Variants in EYS observed in about 807,000 individuals in gnomAD.
The protein encoded by EYS is EGF-like photoreceptor maintenance factor.
In EYS, 250 loss-of-function variants were observed where a neutral mutation model predicts 282.1. The ratio of observed to expected loss-of-function variants is 0.89; its 90% CI spans 0.80 to 0.98. EYS has a LOEUF of 0.98. Ranked by LOEUF, EYS falls within the 50% of genes least tolerant of loss-of-function variation. The pLI, the probability that EYS is intolerant of heterozygous loss-of-function variation, is 0.00. For synonymous variants in EYS, 1,355 were observed against 1,282.9 expected (o/e 1.06, Z -1.20); for missense variants, 4,016 against 3,709.0 (o/e 1.08, Z -2.15).
intron 19 of EYS, among the ~76,000 whole-genome samples, chr6:64,884,573 A>G (rs1444113210): frequency 6.6e-6 from 1 of 151,590 alleles, no homozygotes; most frequent in Non-Finnish European, 1.5e-5. Context: ...GGAGCCTTGA[A>G]AAAAAGATTT....
At chr6:64,574,348 A>C (rs933182354) in intron 26 of EYS, among the ~76,000 whole-genome samples, 4 of 152,170 alleles carry the variant, frequency 2.6e-5, no homozygotes, top group African/African-American at 9.7e-5. Context: ...TGGTTGCAGC[A>C]AACCACCACA....
At chr6:64,213,209 C>T (rs555885773) in intron 31 of EYS, among the ~76,000 whole-genome samples, 15 of 152,108 alleles carry the variant, frequency 9.9e-5, no homozygotes, top group African/African-American at 3.6e-4. Context: ...GCACATGTAC[C>T]CCTGAACTTA....
At chr6:63,886,864 C>A (rs945810283) in intron 35 of EYS, among the ~76,000 whole-genome samples, 2 of 152,150 alleles carry the variant, frequency 1.3e-5, no homozygotes, top group African/African-American at 4.8e-5. Context: ...TCGAATATTA[C>A]CATGGAAGGA....
chr6:64,880,908 G>A (rs776148921), intron 19 of EYS, among the ~76,000 whole-genome samples: 42 of 150,812 alleles, frequency 2.8e-4, no homozygotes, highest in Non-Finnish European at 1.6e-4. Flanking sequence ...TATATATTAT[G>A]TGTGTGTATA....
chr6:65,529,614 T>A (rs1193583456), intron 2 of EYS, among the ~76,000 whole-genome samples: 1 of 152,208 alleles, frequency 6.6e-6, no homozygotes, highest in Non-Finnish European at 1.5e-5. Context: ...TCATGAAATA[T>A]CAACCAGCCT....
chr6:65,648,314 A>ATATATGTGTGTGTG (rs373479571), intron 1 of EYS, among the ~76,000 whole-genome samples: 1 of 147,792 alleles, frequency 6.8e-6, no homozygotes, highest in East Asian at 2.0e-4. Context: ...AAGAAAATAT[A>ATATATGTGTGTGTG]TGTGTGTGTG....
intron 16 of EYS, among the ~76,000 whole-genome samples, chr6:64,906,226 A>C (rs2150073563): frequency 6.6e-6 from 1 of 151,862 alleles, no homozygotes; most frequent in African/African-American, 2.4e-5. Flanking sequence ...CAGAATTAAT[A>C]TTTCCAATAG....
intron 35 of EYS, among the ~76,000 whole-genome samples, chr6:63,932,021 T>G (rs942931716): frequency 6.6e-6 from 1 of 152,086 alleles, no homozygotes; most frequent in African/African-American, 2.4e-5. Flanking sequence ...AATGAGAACA[T>G]GCGGTTTCTA....
At chr6:65,144,686 A>G (rs1184054091) in intron 12 of EYS, among the ~76,000 whole-genome samples, 2 of 152,108 alleles carry the variant, frequency 1.3e-5, no homozygotes, top group African/African-American at 2.4e-5. Context: ...ATATTAGAAT[A>G]AATTTTTTTA....
intron 35 of EYS, among the ~76,000 whole-genome samples, chr6:63,955,935 T>C (rs1220060258): frequency 2.0e-5 from 3 of 151,032 alleles, no homozygotes; most frequent in African/African-American, 4.9e-5. Flanking sequence ...AATCATTCTA[T>C]ATGACAAATG....
intron 12 of EYS, among the ~76,000 whole-genome samples, chr6:65,127,253 G>A (rs1775746554): frequency 6.6e-6 from 1 of 152,010 alleles, no homozygotes; most frequent in Non-Finnish European, 1.5e-5. Flanking sequence ...ATTTTATACT[G>A]TAATTTCCCT....
intron 21 of EYS, among the ~76,000 whole-genome samples, chr6:64,818,126 A>G (rs963527583): frequency 1.3e-5 from 2 of 152,200 alleles, no homozygotes; most frequent in African/African-American, 2.4e-5. Flanking sequence ...GTAAATATAC[A>G]TGGTGCATGA....
chr6:65,290,291 A>G (rs575708805), intron 12 of EYS, among the ~76,000 whole-genome samples: 1 of 151,246 alleles, frequency 6.6e-6, no homozygotes, highest in African/African-American at 2.4e-5. Flanking sequence ...AAACCTTGAG[A>G]ATAAATCTAT....
chr6:63,856,397 G>T (rs1326635521), intron 36 of EYS, among the ~76,000 whole-genome samples: 1 of 152,132 alleles, frequency 6.6e-6, no homozygotes, highest in Non-Finnish European at 1.5e-5. Context: ...ATTCTGTGAG[G>T]TTGCTAAATA....
At chr6:64,782,817 G>A (rs1562189196) in intron 22 of EYS, among the ~76,000 whole-genome samples, 1 of 152,160 alleles carries the variant, frequency 6.6e-6, no homozygotes, top group Non-Finnish European at 1.5e-5. Context: ...TCACCATTAA[G>A]TAATTTATCA....
At chr6:65,208,634 G>C (rs2150250534) in intron 12 of EYS, among the ~76,000 whole-genome samples, 1 of 151,948 alleles carries the variant, frequency 6.6e-6, no homozygotes, top group Middle Eastern at 3.4e-3. Context: ...AAGGAATGAA[G>C]TCATTTCCTT....
intron 22 of EYS, among the ~76,000 whole-genome samples, chr6:64,670,079 C>T (rs972910010): frequency 2.0e-5 from 3 of 152,144 alleles, no homozygotes; most frequent in Admixed American, 2.0e-4. Flanking sequence ...ATATAATCAC[C>T]ATAGAGATAA....
At chr6:63,788,641 A>G (rs1770428082) in intron 38 of EYS, among the ~76,000 whole-genome samples, 1 of 152,036 alleles carries the variant, frequency 6.6e-6, no homozygotes, top group Non-Finnish European at 1.5e-5. Flanking sequence ...AGATAAAAAT[A>G]TAAACTTCTT....
intron 15 of EYS, among the ~76,000 whole-genome samples, chr6:64,914,043 G>A (rs1011641051): frequency 1.3e-5 from 2 of 152,022 alleles, no homozygotes; most frequent in Non-Finnish European, 2.9e-5. Flanking sequence ...CTAGTCTGCC[G>A]TGAAGAGAAA....
Sources: allele counts gnomAD v4.1 joint callset (sites outside exome capture counted in the v4.1 genomes callset), GRCh38; gene constraint gnomAD v4.1.1; transcripts MANE v1.5; gene names NCBI Gene and HGNC (gene_info 2026-07-23, HGNC 2026-07-21).